Variants in SFRP2 observed in about 807,000 individuals in gnomAD.
SFRP2 encodes the protein secreted frizzled-related protein 2.
A neutral mutation model predicts 26.0 loss-of-function variants in SFRP2; 16 were observed. The observed-to-expected ratio is 0.61, with a 90% CI of 0.42 to 0.93. SFRP2 has a LOEUF of 0.93. Among genes scored for constraint, SFRP2 ranks in the 40% least tolerant of loss-of-function variants. The probability of loss-of-function intolerance (pLI) is 0.00; values close to 1 mark genes in which losing one functional copy is unlikely to be tolerated. For synonymous variants in SFRP2, 173 were observed against 167.3 expected, an observed-to-expected ratio of 1.03 and a Z score of -0.26; for missense variants, 343 against 392.4, an observed-to-expected ratio of 0.87 and a Z score of 1.06.
Position 153,788,329 on chromosome 4 carries a change from CT to C in SFRP2, c.502+4del, listed in dbSNP as rs1560812153. The C allele has an allele frequency of 6.2e-7, 1 of 1,608,820 alleles. No homozygotes were observed. Among genetic ancestry groups the C allele is most frequent in the Non-Finnish European group, 8.5e-7 (1 of 1,176,790 alleles). On this transcript the variant is annotated splice_donor_region_variant and intron_variant, in intron 1 of 2. Transcript: ENST00000274063. Reference sequence around the variant, plus strand: ...GGGAGTGGGGAAGCAAGAGGGAAGGCTTACCTTCCTCGGTGGCTGGCAGGAG... The same window carrying C: ...GGGAGTGGGGAAGCAAGAGGGAAGGCTACCTTCCTCGGTGGCTGGCAGGAG...
At position 153,780,871 on chromosome 4, in the gene SFRP2, T is replaced by C. The variant is rs1428700788; in HGVS notation, c.*580A>G. On this transcript the variant is annotated 3_prime_UTR_variant, in exon 3 of 3. Coordinates refer to ENST00000274063, the MANE Select transcript of SFRP2 (RefSeq NM_003013.3). Reference sequence around the variant, plus strand: ...GTGCTTCTAATAAATGGAAGTATTGTAGCTGGAATGTGATACATGTAACAG... The same window carrying C: ...GTGCTTCTAATAAATGGAAGTATTGCAGCTGGAATGTGATACATGTAACAG... 6.5e-6 allele frequency: 1 copy of C among 152,738 alleles called. No homozygotes were observed. The highest frequency in any genetic ancestry group is 6.5e-5 in the Admixed American group (1 of 15,286). The allele number at this position is 152,738 out of a possible 1,614,324, so 9.5% of individuals were successfully genotyped here.
rs372453250 is a variant in SFRP2, at chr4:153,788,774, G to A, written c.62C>T (p.Ser21Leu). Reference sequence around the variant, plus strand: ...GCCAAAGAGGAAGAGCCCGCGCGCCGAGCCCAGGCAGCAGTGCGAGGCGAG... The same window carrying A: ...GCCAAAGAGGAAGAGCCCGCGCGCCAAGCCCAGGCAGCAGTGCGAGGCGAG... ...LFLASHCCLG[S>L]ARGLFLFGQP... Residue 21 changes from serine (S) to leucine (L), a missense_variant, in exon 1 of 3, where the codon TCG becomes TTG. This residue lies in a region of SFRP2 where 251 missense variants were observed against 253.3 expected (regional missense o/e 0.99). Transcript: ENST00000274063. The A allele has an allele frequency of 4.5e-5, 72 of 1,610,652 alleles. No individual in the cohort carries two copies. Among genetic ancestry groups the A allele is most frequent in the South Asian group, 2.3e-4 (21 of 91,062 alleles).
rs777214656 is a variant in SFRP2, at chr4:153,781,503, C to G, written c.836G>C (p.Gly279Ala). Residue 279 changes from glycine to alanine, a missense_variant, in exon 3 of 3, where the codon GGG becomes GCG. This residue lies in a region of SFRP2 where 92 missense variants were observed against 139.0 expected (regional missense o/e 0.66). Coordinates refer to ENST00000274063, the MANE Select transcript of SFRP2 (RefSeq NM_003013.3). ...VITSVKRWQK[G>A]QREFKRISRS... ...GGAGATGCGCTTGAACTCTCTCTGC[C>G]CCTTCTGCCACCGCTTCACCGAGGT... The G allele has an allele frequency of 6.2e-7, 1 of 1,614,080 alleles. No individual in the cohort carries two copies. The highest frequency in any genetic ancestry group is 8.5e-7 in the Non-Finnish European group (1 of 1,180,030).
Position 153,781,437 on chromosome 4 carries a change from T to G in SFRP2, c.*14A>C. 1.2e-6 allele frequency: 2 copies of G among 1,605,492 alleles called. No homozygotes were observed. Among genetic ancestry groups the G allele is most frequent in the Non-Finnish European group, 1.7e-6 (2 of 1,176,544 alleles). ...CTCTGGAGCAGGCCTGTCGGAGCCA[T>G]CAGGATGCCGGGACTAGCACTGCAG... On this transcript the variant is annotated 3_prime_UTR_variant, in exon 3 of 3. Coordinates refer to ENST00000274063, the MANE Select transcript of SFRP2 (RefSeq NM_003013.3).
chr4:153,782,883 G>T (rs1355857378), intron 2 of SFRP2, among the ~76,000 whole-genome samples: 1 of 151,332 alleles, frequency 6.6e-6, no homozygotes, highest in African/African-American at 2.4e-5. Flanking sequence ...TAGATGATGT[G>T]TAAGTATGAC....
In SFRP2 at chr4:153,788,881, A is replaced by C; in HGVS notation, c.-46T>G. On this transcript the variant is annotated 5_prime_UTR_variant, in exon 1 of 3. Transcript: ENST00000274063. The stretch of plus-strand genomic sequence containing the variant: ...GGGGCAGAGGGAGCGGAGCCGGGGA[A>C]GGGCGAGGCGGCCGGAGTTCGAGCT... 1 of 1,502,288 alleles carries C rather than the reference A, an allele frequency of 6.7e-7. No individual in the cohort carries two copies. 93.1% of individuals were successfully genotyped at this position (1,502,288 alleles called of 1,614,324 possible).
chr4:153,781,215 A>G lies in SFRP2; in HGVS notation c.*236T>C, dbSNP rs1741113932. On this transcript the variant is annotated 3_prime_UTR_variant, in exon 3 of 3. Coordinates refer to ENST00000274063, the MANE Select transcript of SFRP2 (RefSeq NM_003013.3). ...AATATTCATGATTTTATTAGTTTGA[A>G]TATTTCTACAAGATTCGGGTGGGCT... The G allele has an allele frequency of 3.8e-6, 2 of 526,470 alleles. No individual in the cohort carries two copies. The highest frequency in any genetic ancestry group is 6.7e-6 in the Non-Finnish European group (2 of 296,990). 32.6% of individuals were successfully genotyped at this position (526,470 alleles called of 1,614,324 possible). A position where few individuals can be genotyped will look rare whatever the true frequency, so the allele number is the denominator to read the frequency against.
chr4:153,786,027 AT>A, intron 1 of SFRP2, 83 bp from the exon 2 acceptor site: 3 of 729,584 alleles, frequency 4.1e-6, no homozygotes, highest in East Asian at 3.0e-5. Context: ...AAAGGGACTT[AT>A]CCAGACAAAA....
chr4:153,783,536 G>A (rs1741155515), intron 2 of SFRP2, among the ~76,000 whole-genome samples: 1 of 152,180 alleles, frequency 6.6e-6, no homozygotes, highest in Non-Finnish European at 1.5e-5. Context: ...TTCCTGTCCT[G>A]GAGGATGTGA....
intron 2 of SFRP2, among the ~76,000 whole-genome samples, chr4:153,782,965 A>G (rs1741146527): frequency 1.3e-5 from 2 of 150,910 alleles, no homozygotes; most frequent in Non-Finnish European, 2.9e-5. Context: ...GTTGCGTACA[A>G]CTGTTTTTGA....
At position 153,789,029 on chromosome 4, in the gene SFRP2, C is replaced by T. The variant is rs1741271230; in HGVS notation, c.-194G>A. On this transcript the variant is annotated 5_prime_UTR_variant, in exon 1 of 3. Transcript: ENST00000274063. Reference sequence around the variant, plus strand: ...GCGCGGGCGAGGCGCTGCAAGCCCGCGCGCAGCTCCGGGGGGCTCCGACCC... The same window carrying T: ...GCGCGGGCGAGGCGCTGCAAGCCCGTGCGCAGCTCCGGGGGGCTCCGACCC... 3.5e-6 allele frequency: 2 copies of T among 574,862 alleles called. No individual in the cohort carries two copies. The highest frequency in any genetic ancestry group is 5.7e-6 in the Non-Finnish European group (2 of 350,600). 35.6% of individuals were successfully genotyped at this position (574,862 alleles called of 1,614,324 possible).
intron 1 of SFRP2, 134 bp from the exon 2 acceptor site, chr4:153,786,078 T>A: frequency 2.0e-6 from 1 of 496,592 alleles, no homozygotes; most frequent in Non-Finnish European, 3.5e-6. Flanking sequence ...CTGCCTCCTC[T>A]ATAAAAGCAG....
rs770485715 is a variant in SFRP2, at chr4:153,781,713, T to C, written c.626A>G (p.Asp209Gly). ...KVKEITYINR[D>G]TKIILETKSK... is the part of the protein sequence containing the mutation. ...CTTGGTCTCCAGGATGATTTTGGTA[T>C]CTCGGTTGATGTAGGTTATCTCCTT... The change falls in exon 3 of 3, where the codon GAT (aspartate) becomes GGT (glycine). Residue 209 changes from aspartate (D) to glycine (G), a missense_variant. Around this residue, in one of 2 missense-constraint regions of SFRP2, gnomAD observed 92 missense variants for 139.0 expected, o/e 0.66. Transcript: ENST00000274063. 1.2e-4 allele frequency: 196 copies of C among 1,614,176 alleles called. No homozygotes were observed. Among genetic ancestry groups the C allele is most frequent in the Non-Finnish European group, 1.6e-4 (186 of 1,180,006 alleles).
chr4:153,785,213 T>C (rs979743905), intron 2 of SFRP2, among the ~76,000 whole-genome samples: 7 of 152,172 alleles, frequency 4.6e-5, no homozygotes, highest in African/African-American at 1.7e-4. Context: ...CTAGACTTAG[T>C]CATACAAAAT....
chr4:153,785,041 T>C (rs1036629967), intron 2 of SFRP2, among the ~76,000 whole-genome samples: 15 of 152,296 alleles, frequency 9.8e-5, no homozygotes, highest in Admixed American at 7.2e-4. Context: ...TTTCCCCTTA[T>C]AATCCTGTCT....
intron 1 of SFRP2, among the ~76,000 whole-genome samples, chr4:153,786,668 G>A (rs1484652047): frequency 6.6e-6 from 1 of 152,158 alleles, no homozygotes; most frequent in Non-Finnish European, 1.5e-5. Context: ...CCTGGTACAG[G>A]TTCTTCTTGC....
rs1741251463 is a variant in SFRP2, at chr4:153,788,466, G to C, written c.370C>G (p.Arg124Gly). ...CHSLCVQVKDRCAPVMSAFGF... is the reference protein window; with the variant it reads ...CHSLCVQVKDGCAPVMSAFGF... Reference sequence around the variant, plus strand: ...AAGGCGGACATGACCGGGGCGCAGCGGTCCTTCACCTGCACGCAGAGCGAG... The same window carrying C: ...AAGGCGGACATGACCGGGGCGCAGCCGTCCTTCACCTGCACGCAGAGCGAG... Residue 124 changes from arginine (R) to glycine (G), a missense_variant, in exon 1 of 3, where the codon CGC becomes GGC. Coordinates refer to ENST00000274063, the MANE Select transcript of SFRP2 (RefSeq NM_003013.3). The C allele has an allele frequency of 2.5e-6, 4 of 1,614,076 alleles. No individual in the cohort carries two copies. The highest frequency in any genetic ancestry group is 1.3e-5 in the African/African-American group (1 of 74,938).
At position 153,788,663 on chromosome 4, in the gene SFRP2, A is replaced by G. The variant is rs1741257634; in HGVS notation, c.173T>C (p.Met58Thr). 1 of 1,613,962 alleles carries G rather than the reference A, an allele frequency of 6.2e-7. No individual in the cohort carries two copies. Among genetic ancestry groups the G allele is most frequent in the Non-Finnish European group, 8.5e-7 (1 of 1,180,032 alleles). ...GTGGCCCAGCAGGTTGGGCAGCCGC[A>G]TGTTCTGGTATTCGATGCCGTGGCA... is the stretch of plus-strand genomic sequence containing the variant. ...QLCHGIEYQNMRLPNLLGHET... is the reference protein window; with the variant it reads ...QLCHGIEYQNTRLPNLLGHET... The change falls in exon 1 of 3, where the codon ATG becomes ACG. Residue 58 changes from methionine to threonine, a missense_variant. Coordinates refer to ENST00000274063, the MANE Select transcript of SFRP2 (RefSeq NM_003013.3).
Position 153,789,013 on chromosome 4 carries a change from A to T in SFRP2, c.-178T>A. On this transcript the variant is annotated 5_prime_UTR_variant, in exon 1 of 3. Coordinates refer to ENST00000274063, the MANE Select transcript of SFRP2 (RefSeq NM_003013.3). ...GGACACCGGGAGGACAGCGCGGGCG[A>T]GGCGCTGCAAGCCCGCGCGCAGCTC... The T allele has an allele frequency of 1.9e-5, 11 of 584,906 alleles. No homozygotes were observed. Among genetic ancestry groups the T allele is most frequent in the Non-Finnish European group, 2.4e-5 (9 of 377,954 alleles). 36.2% of individuals were successfully genotyped at this position (584,906 alleles called of 1,614,324 possible).
Sources: allele counts gnomAD v4.1 joint callset (sites outside exome capture counted in the v4.1 genomes callset), GRCh38; gene constraint gnomAD v4.1.1; regional missense constraint gnomAD v4.1.1; transcripts MANE v1.5; gene names NCBI Gene and HGNC (gene_info 2026-07-23, HGNC 2026-07-21).